Variants in BRINP2 observed in about 807,000 individuals in gnomAD.
The protein encoded by BRINP2 is BMP/retinoic acid-inducible neural-specific protein 2.
BRINP2 carries 21 observed loss-of-function variants against 69.2 expected under a neutral mutation model. The observed-to-expected ratio is 0.30, with a 90% CI of 0.22 to 0.44. The LOEUF (loss-of-function observed/expected upper bound fraction) is 0.44. Ranked by LOEUF, BRINP2 falls within the 20% of genes least tolerant of loss-of-function variation. The pLI is 1.00. For missense variants in BRINP2, 877 were observed against 986.0 expected, an observed-to-expected ratio of 0.89 and a Z score of 1.48; for synonymous variants, 380 against 394.1, an observed-to-expected ratio of 0.96 and a Z score of 0.42.
At chr1:177,185,038 G>A (rs60596527) in intron 1 of BRINP2, among the ~76,000 whole-genome samples, 11,708 of 151,978 alleles carry the variant, frequency 0.077, 587 homozygotes, top group African/African-American at 0.14. Context: ...TATACAGACC[G>A]CATTTTGAGA....
chr1:177,278,221 G>T (rs1316558933), intron 6 of BRINP2, among the ~76,000 whole-genome samples: 1 of 152,072 alleles, frequency 6.6e-6, no homozygotes, highest in Non-Finnish European at 1.5e-5. Flanking sequence ...TAGTGTTGTG[G>T]ATGTCTTAGA....
At chr1:177,213,289 T>A (rs1418017843) in intron 1 of BRINP2, among the ~76,000 whole-genome samples, 1 of 152,192 alleles carries the variant, frequency 6.6e-6, no homozygotes, top group Non-Finnish European at 1.5e-5. Context: ...AGAGTTGTCC[T>A]GTGCATTATA....
intron 1 of BRINP2, among the ~76,000 whole-genome samples, chr1:177,228,921 G>C (rs1409468411): frequency 6.6e-6 from 1 of 152,202 alleles, no homozygotes; most frequent in Non-Finnish European, 1.5e-5. Flanking sequence ...GTCTAACTCA[G>C]AGAGGGCAGG....
At chr1:177,174,408 G>C (rs1470574363) in intron 1 of BRINP2, among the ~76,000 whole-genome samples, 1 of 152,238 alleles carries the variant, frequency 6.6e-6, no homozygotes, top group Non-Finnish European at 1.5e-5. Flanking sequence ...CTTTGCCCTT[G>C]CCTTCAGTGA....
At chr1:177,255,300 A>T (rs1466409860) in intron 2 of BRINP2, among the ~76,000 whole-genome samples, 2 of 151,994 alleles carry the variant, frequency 1.3e-5, no homozygotes, top group African/African-American at 4.8e-5. Flanking sequence ...TGAAAATGTT[A>T]TGTTATATGT....
intron 4 of BRINP2, 45 bp from the exon 5 acceptor site, chr1:177,273,443 C>A: frequency 3.0e-6 from 4 of 1,331,776 alleles, no homozygotes; most frequent in Non-Finnish European, 3.2e-6. Flanking sequence ...TAAAGGGAGT[C>A]TCCACTTGTT....
At chr1:177,174,542 C>T (rs973621389) in intron 1 of BRINP2, among the ~76,000 whole-genome samples, 6 of 152,110 alleles carry the variant, frequency 3.9e-5, no homozygotes, top group Admixed American at 3.3e-4. Flanking sequence ...GCGATTGATT[C>T]GTACAGATAA....
intron 2 of BRINP2, among the ~76,000 whole-genome samples, chr1:177,248,768 G>T (rs572203503): frequency 6.6e-6 from 1 of 152,318 alleles, no homozygotes; most frequent in East Asian, 1.9e-4. Context: ...ACATAGTGCT[G>T]CAGGTGGCTG....
At chr1:177,256,733 C>T in intron 3 of BRINP2, 1 of 1,083,076 alleles carries the variant, frequency 9.2e-7, no homozygotes, top group Non-Finnish European at 1.1e-6. Flanking sequence ...CAAGCTCTCC[C>T]AGGGCTCGGG....
chr1:177,186,160 G>A (rs1461891025), intron 1 of BRINP2, among the ~76,000 whole-genome samples: 3 of 152,106 alleles, frequency 2.0e-5, no homozygotes, highest in Admixed American at 2.0e-4. Context: ...ATGGAATACA[G>A]TAGGCTGGCC....
intron 1 of BRINP2, among the ~76,000 whole-genome samples, chr1:177,227,240 C>A (rs1302891071): frequency 1.3e-5 from 2 of 152,240 alleles, no homozygotes; most frequent in Non-Finnish European, 2.9e-5. Context: ...TTCCCACCCG[C>A]ATCCACGCAT....
At chr1:177,209,358 T>C (rs1389724831) in intron 1 of BRINP2, among the ~76,000 whole-genome samples, 2 of 152,162 alleles carry the variant, frequency 1.3e-5, no homozygotes, top group East Asian at 3.9e-4. Flanking sequence ...CTGCAGCCTT[T>C]GGGCAGCTCA....
At chr1:177,243,867 A>C (rs143190409) in intron 2 of BRINP2, among the ~76,000 whole-genome samples, 100 of 152,132 alleles carry the variant, frequency 6.6e-4, no homozygotes, top group African/African-American at 2.4e-3. Flanking sequence ...ACAAGGGAAG[A>C]GAAAGAGCAT....
chr1:177,238,381 G>A lies in BRINP2; in HGVS notation c.269+8236G>A, dbSNP rs188725575. 7.2e-5 allele frequency among the ~76,000 whole-genome samples: 11 copies of A among 152,316 alleles called. No individual in the cohort carries two copies. The East Asian group carries it at 1.4e-3, about 19-fold the overall frequency. On this transcript the variant is annotated intron_variant, in intron 2 of 7. Coordinates refer to ENST00000361539, the MANE Select transcript of BRINP2 (RefSeq NM_021165.4). ...ATGCCAGTCCTACAATCCTGCCTTT[G>A]CCCCAAACTAAAGTCAGCTGGGTTT...
intron 1 of BRINP2, among the ~76,000 whole-genome samples, chr1:177,200,481 C>T (rs935339653): frequency 2.0e-4 from 30 of 152,066 alleles, no homozygotes; most frequent in African/African-American, 6.7e-4. Flanking sequence ...TCCTCCTGCT[C>T]TCCCACTCAC....
At chr1:177,229,470 CA>C (rs1398373226) in intron 1 of BRINP2, among the ~76,000 whole-genome samples, 1 of 152,172 alleles carries the variant, frequency 6.6e-6, no homozygotes, top group Non-Finnish European at 1.5e-5. Context: ...TGCATGGACA[CA>C]ACATAACATA....
At chr1:177,241,522 G>A (rs1014577773) in intron 2 of BRINP2, among the ~76,000 whole-genome samples, 1 of 151,752 alleles carries the variant, frequency 6.6e-6, no homozygotes. Context: ...CCCTCCTCTC[G>A]CATTCTCTTC....
chr1:177,278,001 AAGAGAAGAAGAGTATCTTAGTC>A (rs1453328948), intron 6 of BRINP2, among the ~76,000 whole-genome samples: 1 of 152,178 alleles, frequency 6.6e-6, no homozygotes, highest in Non-Finnish European at 1.5e-5. Context: ...TGAAGCTGAA[AAGAGAAGAAGAGTATCTTAGTC>A]AGAGAGGAGG....
chr1:177,266,939 G>A (rs892256030), intron 4 of BRINP2, among the ~76,000 whole-genome samples: 1 of 152,130 alleles, frequency 6.6e-6, no homozygotes, highest in Admixed American at 6.6e-5. Flanking sequence ...TTCCACGTGA[G>A]ACTATGAGGT....
Sources: allele counts gnomAD v4.1 joint callset (sites outside exome capture counted in the v4.1 genomes callset), GRCh38; gene constraint gnomAD v4.1.1; transcripts MANE v1.5; gene names NCBI Gene and HGNC (gene_info 2026-07-23, HGNC 2026-07-21).